Variants in TMEM260 observed in about 807,000 individuals in gnomAD.
TMEM260 encodes the protein protein O-mannosyl-transferase TMEM260.
In TMEM260, 82 loss-of-function variants were observed where a neutral mutation model predicts 88.9. That is an observed-to-expected ratio of 0.92 (90% CI 0.77 to 1.11). The LOEUF (loss-of-function observed/expected upper bound fraction) is 1.11. Ranked by LOEUF, TMEM260 falls within the 50% of genes least tolerant of loss-of-function variation. The pLI is 0.00. For missense variants in TMEM260, 902 were observed against 853.4 expected, an observed-to-expected ratio of 1.06 and a Z score of -0.71; for synonymous variants, 314 against 309.3, an observed-to-expected ratio of 1.02 and a Z score of -0.16.
At chr14:56,633,436 C>A (rs1321770560) in intron 13 of TMEM260, 5 of 280,250 alleles carry the variant, frequency 1.8e-5, no homozygotes, top group Non-Finnish European at 3.4e-5. Context: ...CCTTCTACTT[C>A]CAAGTCTTTG....
intron 3 of TMEM260, among the ~76,000 whole-genome samples, chr14:56,602,063 T>C (rs1290671706): frequency 6.6e-6 from 1 of 152,056 alleles, no homozygotes; most frequent in African/African-American, 2.4e-5. Context: ...AGAAATACTT[T>C]AATTTGTTCT....
chr14:56,606,137 C>G (rs1330739834), intron 5 of TMEM260, among the ~76,000 whole-genome samples: 1 of 152,118 alleles, frequency 6.6e-6, no homozygotes, highest in African/African-American at 2.4e-5. Context: ...AATAAAATCT[C>G]TGGTAACAGT....
rs2139558244 is a variant in TMEM260, at chr14:56,605,766, C to G, written c.636+83C>G. ...ATTTTTGTCATGAGAAAATTTCAGG[C>G]TTTAATTTTTCTTGGGTTTCATGTA... is the stretch of plus-strand genomic sequence containing the variant. On this transcript the variant is annotated intron_variant, in intron 5 of 15. Coordinates refer to ENST00000261556, the MANE Select transcript of TMEM260 (RefSeq NM_017799.4). The G allele has an allele frequency of 8.5e-6, 7 of 826,500 alleles. No homozygotes were observed. The East Asian group carries it at 1.6e-4, about 19-fold the overall frequency. The allele number at this position is 826,500 out of a possible 1,614,324, so 51.2% of individuals were successfully genotyped here. A position where few individuals can be genotyped will look rare whatever the true frequency, so the allele number is the denominator to read the frequency against.
intron 15 of TMEM260, among the ~76,000 whole-genome samples, chr14:56,644,033 C>T (rs1242728069): frequency 2.0e-5 from 3 of 152,110 alleles, no homozygotes; most frequent in Admixed American, 2.0e-4. Flanking sequence ...AAGAACATTC[C>T]ATGCTCATGG....
At chr14:56,609,074 A>T (rs1376075541) in intron 5 of TMEM260, 32 bp from the exon 6 acceptor site, 6 of 1,594,552 alleles carry the variant, frequency 3.8e-6, no homozygotes, top group Middle Eastern at 1.7e-4. Context: ...TAAAATAAAC[A>T]TTGTTATACC....
chr14:56,591,694 T>C (rs1201579126), intron 3 of TMEM260, among the ~76,000 whole-genome samples: 1 of 152,208 alleles, frequency 6.6e-6, no homozygotes, highest in Non-Finnish European at 1.5e-5. Context: ...GACTAAAATA[T>C]GTAATTGGGG....
intron 3 of TMEM260, 145 bp downstream of exon 3, chr14:56,586,057 A>G (rs1055955330): frequency 3.3e-6 from 3 of 897,168 alleles, no homozygotes; most frequent in Non-Finnish European, 4.9e-6. Flanking sequence ...TAATACTTTC[A>G]TATGCATTTG....
At chr14:56,623,011 G>A (rs1888029022) in intron 11 of TMEM260, among the ~76,000 whole-genome samples, 1 of 152,174 alleles carries the variant, frequency 6.6e-6, no homozygotes, top group African/African-American at 2.4e-5. Flanking sequence ...CTGTAGTTGA[G>A]AAGCATGGAT....
Position 56,648,761 on chromosome 14 carries a change from T to C in TMEM260, c.*1264T>C, listed in dbSNP as rs1890116108. On this transcript the variant is annotated 3_prime_UTR_variant, in exon 16 of 16. Coordinates refer to ENST00000261556, the MANE Select transcript of TMEM260 (RefSeq NM_017799.4). ...TTTTAAAATGCTGCAGGATGCCATG[T>C]AGGCATCTGTCTGGAGTGTCCTTTG... 6.5e-6 allele frequency: 1 copy of C among 152,674 alleles called. No homozygotes were observed. Among genetic ancestry groups the C allele is most frequent in the Admixed American group, 6.5e-5 (1 of 15,284 alleles). 9.5% of individuals were successfully genotyped at this position (152,674 alleles called of 1,614,324 possible).
the TMEM260 span, among the ~76,000 whole-genome samples, chr14:56,658,548 T>G: frequency 6.6e-6 from 1 of 151,522 alleles, no homozygotes; most frequent in Non-Finnish European, 1.5e-5. Flanking sequence ...AATTTAATCA[T>G]GAGAAAACAT....
In TMEM260 at chr14:56,605,642, T is replaced by C; in HGVS notation, c.595T>C (p.Cys199Arg). Residue 199 changes from cysteine (C) to arginine (R), a missense_variant, in exon 5 of 16, where the codon TGC becomes CGC. Coordinates refer to ENST00000261556, the MANE Select transcript of TMEM260 (RefSeq NM_017799.4). ...GCACACAATAATACTCTATGTTTTG[T>C]GCATAATACCTTGGATTCTCTTTCA... is the stretch of plus-strand genomic sequence containing the variant. ...NQHTIILYVL[C>R]IIPWILFQLL... 6.3e-7 allele frequency: 1 copy of C among 1,594,022 alleles called. No individual in the cohort carries two copies. The highest frequency in any genetic ancestry group is 8.5e-7 in the Non-Finnish European group (1 of 1,172,546).
intron 8 of TMEM260, 50 bp from the exon 9 acceptor site, chr14:56,617,133 G>C (rs1887638428): frequency 1.8e-6 from 2 of 1,083,816 alleles, no homozygotes; most frequent in Non-Finnish European, 2.6e-6. Flanking sequence ...TATTATATTT[G>C]ACATTCATGT....
chr14:56,606,768 G>A (rs1013489056), intron 5 of TMEM260, among the ~76,000 whole-genome samples: 6 of 152,108 alleles, frequency 3.9e-5, no homozygotes, highest in South Asian at 2.1e-4. Flanking sequence ...GGCAGTGTGC[G>A]CCTGTAGTCC....
chr14:56,600,595 G>A (rs1286866272), intron 3 of TMEM260, among the ~76,000 whole-genome samples: 1 of 152,168 alleles, frequency 6.6e-6, no homozygotes, highest in East Asian at 1.9e-4. Flanking sequence ...AGCAGCATTA[G>A]CCATTAGGAA....
the TMEM260 span, among the ~76,000 whole-genome samples, chr14:56,656,613 GTTC>G: frequency 6.6e-6 from 1 of 152,142 alleles, no homozygotes; most frequent in African/African-American, 2.4e-5. Flanking sequence ...AGTAAAAACA[GTTC>G]TTCTCTACTT....
downstream of TMEM260, among the ~76,000 whole-genome samples, chr14:56,653,736 C>CAAAACAAACAAAAAA (rs1555343536): frequency 2.9e-4 from 19 of 66,608 alleles, 1 homozygote; most frequent in African/African-American, 1.1e-3. Flanking sequence ...CTCTTGTCTC[C>CAAAACAAACAAAAAA]AAAACAAAAA....
chr14:56,635,844 A>AATATAT (rs3067786), intron 14 of TMEM260, among the ~76,000 whole-genome samples: 4 of 150,936 alleles, frequency 2.7e-5, no homozygotes, highest in African/African-American at 4.9e-5. Flanking sequence ...AATGATTGCA[A>AATATAT]ATATATATAT....
intron 13 of TMEM260, among the ~76,000 whole-genome samples, chr14:56,633,902 C>T (rs1888823095): frequency 6.6e-6 from 1 of 152,018 alleles, no homozygotes; most frequent in Admixed American, 6.6e-5. Context: ...AATTTAAGAG[C>T]AACAGACAAG....
chr14:56,645,619 T>C (rs1889915625), intron 15 of TMEM260, among the ~76,000 whole-genome samples: 1 of 133,712 alleles, frequency 7.5e-6, no homozygotes, highest in Admixed American at 8.5e-5. Flanking sequence ...GTTGTGCACA[T>C]GTACCCTAAA....
Sources: allele counts gnomAD v4.1 joint callset (sites outside exome capture counted in the v4.1 genomes callset), GRCh38; gene constraint gnomAD v4.1.1; transcripts MANE v1.5; gene names NCBI Gene and HGNC (gene_info 2026-07-23, HGNC 2026-07-21).